The following PSMG2 variants were observed in gnomAD, a reference collection of about 807,000 sequenced individuals.
PSMG2 encodes proteasome assembly chaperone 2, also known as CD40 ligand-activated specific transcript 3.
A neutral mutation model predicts 31.5 loss-of-function variants in PSMG2; 21 were observed. The ratio of observed to expected loss-of-function variants is 0.67; its 90% confidence interval spans 0.47 to 0.96. The LOEUF (loss-of-function observed/expected upper bound fraction) is 0.96. Ranked by LOEUF, PSMG2 falls within the 40% of genes least tolerant of loss-of-function variation. The pLI is 0.00. For missense variants in PSMG2, 318 were observed against 321.2 expected (o/e 0.99, Z 0.08); for synonymous variants, 120 against 110.4 (o/e 1.09, Z -0.54).
chr18:12,724,438 C>T (rs1246416378), intron 5 of PSMG2, 61 bp from the exon 6 acceptor site: 1 of 1,453,486 alleles, frequency 6.9e-7, no homozygotes, highest in Non-Finnish European at 9.2e-7. Context: ...AAAACAGACA[C>T]ACTAGAGTCA....
upstream of PSMG2, chr18:12,702,751 G>C (rs554187036): frequency 8.3e-6 from 5 of 602,642 alleles, no homozygotes; most frequent in East Asian, 6.2e-5. Flanking sequence ...GGCGCCAACT[G>C]TTTTCAAACA....
intron 4 of PSMG2, among the ~76,000 whole-genome samples, chr18:12,719,014 C>G (rs932386355): frequency 1.3e-5 from 2 of 152,170 alleles, no homozygotes; most frequent in Non-Finnish European, 2.9e-5. Flanking sequence ...TCAGTTATTT[C>G]CATATGTTAC....
chr18:12,724,460 C>T, intron 5 of PSMG2, 39 bp from the exon 6 acceptor site: 11 of 1,557,202 alleles, frequency 7.1e-6, no homozygotes, highest in Non-Finnish European at 9.5e-6. Flanking sequence ...CTCTTGTACC[C>T]TATGAAAGAA....
chr18:12,723,347 ATAG>A, intron 5 of PSMG2, among the ~76,000 whole-genome samples: 1 of 152,114 alleles, frequency 6.6e-6, no homozygotes, highest in Non-Finnish European at 1.5e-5. Context: ...TGAGGCGTTT[ATAG>A]TATGATAGGA....
chr18:12,688,838 G>A (rs1348274301), intron 1 of PSMG2, among the ~76,000 whole-genome samples: 1 of 152,214 alleles, frequency 6.6e-6, no homozygotes, highest in African/African-American at 2.4e-5. Flanking sequence ...TTCTTGGCCA[G>A]GTGTGGTGGC....
At chr18:12,686,066 TA>T in intron 1 of PSMG2, 1 of 468,390 alleles carries the variant, frequency 2.1e-6, no homozygotes, top group East Asian at 3.5e-5. Flanking sequence ...TAATTTGTAC[TA>T]TTTTTTATTA....
intron 1 of PSMG2, among the ~76,000 whole-genome samples, chr18:12,696,139 T>C (rs2039948481): frequency 6.6e-6 from 1 of 152,202 alleles, no homozygotes; most frequent in African/African-American, 2.4e-5. Context: ...TGAAAATAAA[T>C]TTCTTACATA....
At chr18:12,658,919 C>T in intron 1 of PSMG2, 1 of 256,852 alleles carries the variant, frequency 3.9e-6, no homozygotes, top group East Asian at 1.2e-4. Flanking sequence ...ACATTGGTCC[C>T]TTCCCTCACT....
Position 12,671,753 on chromosome 18 carries a change from G to A in PSMG2, c.-37+12980G>A, listed in dbSNP as rs115979442. 9.3e-3 allele frequency among the ~76,000 whole-genome samples: 1,361 copies of A among 146,642 alleles called. 27 individuals are homozygous for A. Among genetic ancestry groups the A allele is most frequent in the African/African-American group, 0.031 (1,243 of 39,652 alleles). ...CTCTGTGGACTCAAGCGATCCTTCCGCCTCAGACTCCCGAGTAGCTTGGAT... is the reference window on the plus strand; with the variant it reads ...CTCTGTGGACTCAAGCGATCCTTCCACCTCAGACTCCCGAGTAGCTTGGAT... On this transcript the variant is annotated intron_variant, in intron 1 of 6. Coordinates refer to the PSMG2 transcript ENST00000585331.
At chr18:12,668,597 C>CAAAAAA (rs752216074) in intron 1 of PSMG2, among the ~76,000 whole-genome samples, 928 of 72,664 alleles carry the variant, frequency 0.013, 63 homozygotes, top group Middle Eastern at 0.02. Flanking sequence ...GATTCCATCT[C>CAAAAAA]AAAAAAAAAA....
At chr18:12,683,161 G>T (rs989352532) in intron 1 of PSMG2, among the ~76,000 whole-genome samples, 1 of 105,758 alleles carries the variant, frequency 9.5e-6, no homozygotes, top group Non-Finnish European at 1.9e-5. Context: ...CCCTGGCCAA[G>T]AAACCCCATC....
chr18:12,703,175 AT>A lies in PSMG2; in HGVS notation c.57+14del. On this transcript the variant is annotated intron_variant, in intron 1 of 6. Transcript: ENST00000317615. Reference sequence around the variant, plus strand: ...TTCACCCTCCTAATGGTGAGTCTCCATTTGCGCTCGGGGCTGCCGCCTCCCG... The same window carrying A: ...TTCACCCTCCTAATGGTGAGTCTCCATTGCGCTCGGGGCTGCCGCCTCCCG... 6.2e-7 allele frequency: 1 copy of A among 1,605,286 alleles called. No individual in the cohort carries two copies. Among genetic ancestry groups the A allele is most frequent in the African/African-American group, 1.3e-5 (1 of 74,704 alleles).
intron 2 of PSMG2, among the ~76,000 whole-genome samples, chr18:12,708,321 A>G (rs2145135269): frequency 6.6e-6 from 1 of 152,134 alleles, no homozygotes; most frequent in South Asian, 2.1e-4. Context: ...ACTAGTGATA[A>G]CAGCTATCTT....
chr18:12,661,667 C>A (rs1414647126), intron 1 of PSMG2, among the ~76,000 whole-genome samples: 1 of 151,824 alleles, frequency 6.6e-6, no homozygotes, highest in East Asian at 1.9e-4. Context: ...CCCAGCTACT[C>A]GGGAGGCTGA....
intron 1 of PSMG2, among the ~76,000 whole-genome samples, chr18:12,673,927 C>T (rs1411757357): frequency 1.6e-4 from 24 of 152,114 alleles, no homozygotes; most frequent in Admixed American, 1.6e-3. Flanking sequence ...TCTCTGCTAT[C>T]AAAGACACTG....
upstream of PSMG2, among the ~76,000 whole-genome samples, chr18:12,699,648 G>A (rs914021779): frequency 3.9e-5 from 6 of 151,976 alleles, no homozygotes; most frequent in Admixed American, 6.6e-5. Context: ...TGCTTCTACC[G>A]TGCTATACAT....
Position 12,662,201 on chromosome 18 carries a change from A to AG in PSMG2, c.-37+3428_-37+3429insG, listed in dbSNP as rs549934528. 1,109 of 447,098 alleles carry AG rather than the reference A, an allele frequency of 2.5e-3. 5 individuals carry two copies. The highest frequency in any genetic ancestry group is 3.9e-3 in the Non-Finnish European group (878 of 224,516). The allele number at this position is 447,098 out of a possible 1,614,324, so 27.7% of individuals were successfully genotyped here. On this transcript the variant is annotated intron_variant, in intron 1 of 6. Transcript: ENST00000585331. ...AAGTGCACCAGAAAGGAAAAAAAAA[A>AG]AACAGCATATTTTTTAATGTTGTAA...
At chr18:12,694,305 G>A (rs1029937075) in intron 1 of PSMG2, among the ~76,000 whole-genome samples, 25 of 152,166 alleles carry the variant, frequency 1.6e-4, no homozygotes, top group African/African-American at 5.8e-4. Context: ...TCTGTAAAAG[G>A]AACAATATGA....
chr18:12,723,062 C>T (rs1476984253), intron 5 of PSMG2, among the ~76,000 whole-genome samples: 1 of 152,200 alleles, frequency 6.6e-6, no homozygotes, highest in African/African-American at 2.4e-5. Context: ...CTAACAGTTT[C>T]TACTTTGTAG....
Sources: gnomAD v4.1 joint callset for allele counts (sites outside exome capture counted in the v4.1 genomes callset) on GRCh38, gnomAD v4.1.1 for gene constraint, MANE v1.5 for transcripts, NCBI Gene and HGNC (gene_info 2026-07-23, HGNC 2026-07-21) for gene names.